Variants in ST8SIA6 observed in about 807,000 individuals in gnomAD.
ST8SIA6 encodes the protein alpha-2,8-sialyltransferase 8F.
Under a neutral mutation model 33.6 loss-of-function variants are expected in ST8SIA6, and 39 were observed. That is an observed-to-expected ratio of 1.16 (90% CI 0.90 to 1.52). The LOEUF (loss-of-function observed/expected upper bound fraction) is 1.52, where lower values mean the gene tolerates loss of function less well. Ranked by LOEUF, ST8SIA6 falls within the 40% of genes most tolerant of loss-of-function variation. The pLI is 0.00. For synonymous variants in ST8SIA6, 172 were observed against 167.2 expected, an observed-to-expected ratio of 1.03 and a Z score of -0.22; for missense variants, 441 against 443.8, an observed-to-expected ratio of 0.99 and a Z score of 0.06.
chr10:17,439,853 G>A (rs1454413289), intron 2 of ST8SIA6, among the ~76,000 whole-genome samples: 2 of 152,174 alleles, frequency 1.3e-5, no homozygotes, highest in African/African-American at 4.8e-5. Context: ...GAAATCATTA[G>A]AGCAATAAAA....
intron 2 of ST8SIA6, among the ~76,000 whole-genome samples, chr10:17,395,977 T>G (rs992263527): frequency 1.3e-5 from 2 of 152,134 alleles, no homozygotes; most frequent in Non-Finnish European, 2.9e-5. Flanking sequence ...CCCAAAGAGA[T>G]AAGTTATGGG....
At chr10:17,415,666 A>C (rs1851582668) in intron 2 of ST8SIA6, among the ~76,000 whole-genome samples, 1 of 152,062 alleles carries the variant, frequency 6.6e-6, no homozygotes, top group South Asian at 2.1e-4. Context: ...TCTCTCGTTA[A>C]GTGATCTGTT....
chr10:17,433,025 A>G (rs891464052), intron 2 of ST8SIA6, among the ~76,000 whole-genome samples: 1 of 152,184 alleles, frequency 6.6e-6, no homozygotes, highest in Non-Finnish European at 1.5e-5. Flanking sequence ...GTCTCTCTGA[A>G]TCTGCCGTGA....
intron 6 of ST8SIA6, among the ~76,000 whole-genome samples, chr10:17,325,961 C>G (rs929485690): frequency 1.3e-4 from 20 of 152,068 alleles, no homozygotes; most frequent in African/African-American, 4.8e-4. Context: ...GAATTTTAAG[C>G]CTATAAAAAG....
intron 7 of ST8SIA6, 108 bp from the exon 8 acceptor site, chr10:17,321,454 T>C: frequency 1.2e-6 from 1 of 846,818 alleles, no homozygotes; most frequent in Non-Finnish European, 1.8e-6. Context: ...GAACGATTTG[T>C]ATACTGTATA....
intron 4 of ST8SIA6, among the ~76,000 whole-genome samples, chr10:17,336,986 G>A (rs1399128749): frequency 2.0e-5 from 3 of 152,088 alleles, no homozygotes; most frequent in Non-Finnish European, 4.4e-5. Context: ...TTGGGTCTGT[G>A]TCCTCATCCA....
At chr10:17,419,453 G>A (rs114315797) in intron 2 of ST8SIA6, among the ~76,000 whole-genome samples, 3,439 of 152,084 alleles carry the variant, frequency 0.023, 139 homozygotes, top group African/African-American at 0.078. Context: ...GATGGCTTGA[G>A]GGGGAGGATG....
intron 2 of ST8SIA6, among the ~76,000 whole-genome samples, chr10:17,430,985 C>T (rs193117642): frequency 5.1e-4 from 78 of 152,296 alleles, no homozygotes; most frequent in African/African-American, 1.8e-3. Flanking sequence ...AATACACAGG[C>T]ACCAAGCGAG....
At chr10:17,441,332 G>C (rs201267381) in intron 2 of ST8SIA6, among the ~76,000 whole-genome samples, 1 of 65,566 alleles carries the variant, frequency 1.5e-5, no homozygotes, top group East Asian at 5.8e-4. Flanking sequence ...TTATTTATTT[G>C]AGACGGAGTC....
chr10:17,429,202 T>C (rs1852027600), intron 2 of ST8SIA6, among the ~76,000 whole-genome samples: 1 of 152,024 alleles, frequency 6.6e-6, no homozygotes, highest in African/African-American at 2.4e-5. Context: ...CGCTTATTCA[T>C]TTATACTGCC....
In ST8SIA6 at chr10:17,323,745, C is replaced by G. The variant is rs193223663; in HGVS notation, c.636-588G>C. On this transcript the variant is annotated intron_variant, in intron 6 of 7. Coordinates refer to ENST00000377602, the MANE Select transcript of ST8SIA6 (RefSeq NM_001004470.3). ...TAATAACTTTTATAAGTATCAAAGC[C>G]AGAAATGACAATTACACCTTGTCTA... Among the ~76,000 whole-genome samples the G allele has an allele frequency of 3.7e-3, 561 of 152,140 alleles. 1 individual carries two copies. Among genetic ancestry groups the G allele is most frequent in the African/African-American group, 0.013 (536 of 41,518 alleles).
intron 2 of ST8SIA6, chr10:17,403,579 A>G (rs1851131115): frequency 6.6e-6 from 1 of 151,964 alleles, no homozygotes; most frequent in Admixed American, 6.6e-5. Context: ...TCCTCATTCT[A>G]CTCTTTTTCC....
chr10:17,436,123 A>G lies in ST8SIA6; in HGVS notation c.200+17436T>C, dbSNP rs529876489. Among the ~76,000 whole-genome samples, 79 of 152,342 alleles carry G rather than the reference A, an allele frequency of 5.2e-4. 3 individuals are homozygous for G. In the South Asian group the frequency reaches 0.016, roughly 30 times the overall value. On this transcript the variant is annotated intron_variant, in intron 2 of 7. Coordinates refer to ENST00000377602, the MANE Select transcript of ST8SIA6 (RefSeq NM_001004470.3). ...GTTTTACTTACCACTGTCACTCACC[A>G]GTCAGAGCTTGCCAGCTCCCAAAAC...
At chr10:17,333,719 T>TA (rs1848408990) in intron 4 of ST8SIA6, among the ~76,000 whole-genome samples, 10 of 38,646 alleles carry the variant, frequency 2.6e-4, no homozygotes, top group Non-Finnish European at 4.1e-4. Context: ...ATATATATAT[T>TA]TTTTTTTTTT....
At chr10:17,357,492 T>G (rs2131615207) in intron 4 of ST8SIA6, among the ~76,000 whole-genome samples, 1 of 152,254 alleles carries the variant, frequency 6.6e-6, no homozygotes. Flanking sequence ...CTTCAGTTCT[T>G]TTGAAAACTG....
chr10:17,380,004 G>A (rs1387418560), intron 3 of ST8SIA6, among the ~76,000 whole-genome samples: 2 of 152,122 alleles, frequency 1.3e-5, no homozygotes, highest in Non-Finnish European at 2.9e-5. Context: ...ACAATTTGCT[G>A]AGGTCTGAGA....
intron 2 of ST8SIA6, among the ~76,000 whole-genome samples, chr10:17,425,160 C>T (rs371224886): frequency 3.3e-5 from 5 of 152,058 alleles, no homozygotes; most frequent in Admixed American, 2.0e-4. Flanking sequence ...CAAACATATA[C>T]GTATATTTTA....
At chr10:17,402,068 A>G (rs977197294) in intron 2 of ST8SIA6, among the ~76,000 whole-genome samples, 26 of 152,226 alleles carry the variant, frequency 1.7e-4, no homozygotes, top group Non-Finnish European at 3.4e-4. Flanking sequence ...TCTACAAAGA[A>G]CACAAACAAA....
chr10:17,401,251 C>A (rs368250923), intron 2 of ST8SIA6, among the ~76,000 whole-genome samples: 3 of 152,144 alleles, frequency 2.0e-5, no homozygotes, highest in African/African-American at 7.2e-5. Context: ...TCAAGGAGAA[C>A]TACAAACCAC....
Sources: gnomAD v4.1 joint callset for allele counts (sites outside exome capture counted in the v4.1 genomes callset) on GRCh38, gnomAD v4.1.1 for gene constraint, MANE v1.5 for transcripts, NCBI Gene and HGNC (gene_info 2026-07-23, HGNC 2026-07-21) for gene names.